SCTR: variants seen among roughly 807,000 people sequenced by gnomAD.
The protein encoded by SCTR is pancreatic secretin receptor.
A neutral mutation model predicts 60.8 loss-of-function variants in SCTR; 56 were observed. That is an observed-to-expected ratio of 0.92 (90% confidence interval 0.74 to 1.15). SCTR has a LOEUF of 1.15. Ranked by LOEUF, SCTR falls within the 50% of genes most tolerant of loss-of-function variation. The probability of loss-of-function intolerance (pLI) is 0.00; values close to 1 mark genes in which losing one functional copy is unlikely to be tolerated. For synonymous variants in SCTR, 202 were observed against 217.0 expected (o/e 0.93, Z 0.61); for missense variants, 562 against 550.4 (o/e 1.02, Z -0.21).
intron 8 of SCTR, among the ~76,000 whole-genome samples, chr2:119,452,356 G>A (rs1315691606): frequency 6.6e-6 from 1 of 152,174 alleles, no homozygotes; most frequent in Non-Finnish European, 1.5e-5. Context: ...ATTCACCAGC[G>A]AGCACGGTGG....
chr2:119,504,058 G>A (rs1678649519), intron 1 of SCTR, among the ~76,000 whole-genome samples: 1 of 152,162 alleles, frequency 6.6e-6, no homozygotes, highest in Middle Eastern at 3.2e-3. Flanking sequence ...ATCAATGGAA[G>A]AATAGAAAAG....
rs1303249323 is a variant in SCTR at position 119,461,818 on chromosome 2, G to C, written c.790+29C>G. The C allele has an allele frequency of 2.5e-6, 4 of 1,588,590 alleles. No homozygotes were observed. In the Admixed American group the frequency reaches 5.1e-5, roughly 20 times the overall value. On this transcript the variant is annotated intron_variant, in intron 7 of 12. Transcript: ENST00000019103. The stretch of plus-strand genomic sequence containing the variant: ...CTCAGCACCCCTTCCCACATACCAT[G>C]CAGATATCAGACCCAGGGAGAAACA...
intron 1 of SCTR, among the ~76,000 whole-genome samples, chr2:119,508,793 AAC>A: frequency 6.6e-6 from 1 of 152,350 alleles, no homozygotes; most frequent in Non-Finnish European, 1.5e-5. Context: ...TGAGCTAATT[AAC>A]ATAGGCATTA....
intron 2 of SCTR, among the ~76,000 whole-genome samples, chr2:119,481,972 G>T (rs1020060250): frequency 2.0e-5 from 3 of 152,182 alleles, no homozygotes; most frequent in Non-Finnish European, 4.4e-5. Context: ...TCCCATGGCG[G>T]TGCCCCCAGT....
At chr2:119,467,589 A>T (rs1315460702) in intron 4 of SCTR, among the ~76,000 whole-genome samples, 1 of 152,230 alleles carries the variant, frequency 6.6e-6, no homozygotes, top group Non-Finnish European at 1.5e-5. Flanking sequence ...GAACCTTTGA[A>T]ATATGACCTT....
chr2:119,462,033 G>A (rs1683631335), intron 6 of SCTR, 33 bp from the exon 7 acceptor site: 1 of 1,574,270 alleles, frequency 6.4e-7, no homozygotes, highest in Admixed American at 1.8e-5. Flanking sequence ...ACCCAGGCCG[G>A]GTGGCAGTGG....
chr2:119,459,658 C>G (rs1342325658), intron 7 of SCTR, among the ~76,000 whole-genome samples: 1 of 152,170 alleles, frequency 6.6e-6, no homozygotes, highest in Admixed American at 6.5e-5. Context: ...CAATTCTCAG[C>G]ACCCAGCACA....
Position 119,478,861 on chromosome 2 carries a change from A to C in SCTR, c.251T>G (p.Met84Arg). The C allele has an allele frequency of 6.2e-7, 1 of 1,614,088 alleles. No homozygotes were observed. The highest frequency in any genetic ancestry group is 8.5e-7 in the Non-Finnish European group (1 of 1,180,002). ...GAATCTCGGGCATTCCACCTCCACC[A>C]TCCGGCCCGGCACAGAAGAGGGCCA... ...SCWPSSVPGR[M>R]VEVECPRFLR... is the part of the protein sequence containing the mutation. Residue 84 changes from methionine (M) to arginine (R), a missense_variant, in exon 3 of 13, where the codon ATG (methionine) becomes AGG (arginine). Met to Arg is a moderately conservative substitution (Grantham distance 91, BLOSUM62 -1). Transcript: ENST00000019103.
intron 8 of SCTR, 128 bp from the exon 9 acceptor site, chr2:119,452,207 G>C (rs1683200189): frequency 1.5e-6 from 1 of 658,240 alleles, no homozygotes; most frequent in South Asian, 1.7e-5. Context: ...AGCCCCTGCA[G>C]TGGTGTGCCC....
chr2:119,494,126 C>G (rs562424354), intron 2 of SCTR, among the ~76,000 whole-genome samples: 1 of 152,296 alleles, frequency 6.6e-6, no homozygotes, highest in South Asian at 2.1e-4. Flanking sequence ...AACTGTCTTG[C>G]AGAGAAATTC....
intron 7 of SCTR, among the ~76,000 whole-genome samples, chr2:119,458,684 C>T (rs1683478230): frequency 1.3e-5 from 2 of 151,976 alleles, no homozygotes; most frequent in African/African-American, 4.8e-5. Flanking sequence ...TCATTATCTT[C>T]CATCCTTAGT....
intron 1 of SCTR, among the ~76,000 whole-genome samples, chr2:119,512,359 CCTTCT>C: frequency 1.6e-5 from 2 of 127,424 alleles, no homozygotes; most frequent in Non-Finnish European, 3.1e-5. Context: ...TTCTCCTTCT[CCTTCT>C]CCTTCTCCTT....
chr2:119,507,969 G>A (rs141413829), intron 1 of SCTR, among the ~76,000 whole-genome samples: 15 of 152,102 alleles, frequency 9.9e-5, no homozygotes, highest in African/African-American at 2.2e-4. Context: ...CTTACCACCC[G>A]TCTCTTTTGG....
chr2:119,440,206 G>T lies in SCTR; in HGVS notation c.1234C>A (p.Pro412Thr). 1 of 1,614,086 alleles carries T rather than the reference G, an allele frequency of 6.2e-7. No homozygotes were observed. Among genetic ancestry groups the T allele is most frequent in the Non-Finnish European group, 8.5e-7 (1 of 1,180,004 alleles). ...CTGAAGGAGGCCACGGGGTGCAGTGGGAACTCACGGAGGTGCCATTGCTGC... is the reference window on the plus strand; with the variant it reads ...CTGAAGGAGGCCACGGGGTGCAGTGTGAACTCACGGAGGTGCCATTGCTGC... ...KWQQWHLREF[P>T]LHPVASFSNS... Residue 412 changes from proline to threonine, a missense_variant, in exon 13 of 13, where the codon CCA becomes ACA. Pro to Thr is a conservative substitution (Grantham distance 38). Coordinates refer to ENST00000019103, the MANE Select transcript of SCTR (RefSeq NM_002980.3).
intron 1 of SCTR, among the ~76,000 whole-genome samples, chr2:119,509,550 A>G (rs530390666): frequency 6.6e-6 from 1 of 152,350 alleles, no homozygotes; most frequent in East Asian, 1.9e-4. Flanking sequence ...GTGCAAGAAG[A>G]GTTCAACTTC....
chr2:119,451,958 C>T (rs1310499046), intron 9 of SCTR, 52 bp downstream of exon 9: 11 of 1,174,720 alleles, frequency 9.4e-6, no homozygotes, highest in Non-Finnish European at 1.4e-5. Context: ...GGGCTGGTCA[C>T]CATTTCCGTC....
chr2:119,517,210 A>G (rs867167570), intron 1 of SCTR, among the ~76,000 whole-genome samples: 2 of 151,510 alleles, frequency 1.3e-5, no homozygotes, highest in Non-Finnish European at 2.9e-5. Flanking sequence ...CCCAGGCTGG[A>G]GTGCAGTGGC....
In SCTR at chr2:119,465,820, G is replaced by C; in HGVS notation, c.472C>G (p.Leu158Val). The C allele has an allele frequency of 1.2e-6, 2 of 1,613,998 alleles. No individual in the cohort carries two copies. The highest frequency in any genetic ancestry group is 1.3e-5 in the African/African-American group (1 of 75,022). The change falls in exon 5 of 13, where the codon CTG (leucine) becomes GTG (valine). Residue 158 changes from leucine to valine, a missense_variant. Transcript: ENST00000019103. ...VGYSSSLVML[L>V]VALGILCAFR... ...GCACAGAGGATGCCAAGGGCGACCA[G>C]GAGCATGACCAGGGAGGAGCTGTAG...
chr2:119,506,970 G>C (rs1294753873), intron 1 of SCTR, among the ~76,000 whole-genome samples: 1 of 152,142 alleles, frequency 6.6e-6, no homozygotes, highest in African/African-American at 2.4e-5. Flanking sequence ...ATCTTGTACT[G>C]TCTATATATA....
Sources: allele counts gnomAD v4.1 joint callset (sites outside exome capture counted in the v4.1 genomes callset), GRCh38; gene constraint gnomAD v4.1.1; transcripts MANE v1.5; gene names NCBI Gene and HGNC (gene_info 2026-07-23, HGNC 2026-07-21).